Variants in KALRN observed in about 807,000 individuals in gnomAD.
The protein encoded by KALRN is kalirin RhoGEF kinase.
A neutral mutation model predicts 353.7 loss-of-function variants in KALRN; 70 were observed. That is an observed-to-expected ratio of 0.20 (90% CI 0.16 to 0.24). KALRN has a LOEUF of 0.24. Among genes scored for constraint, KALRN ranks in the 10% least tolerant of loss-of-function variants. The pLI is 1.00. For missense variants in KALRN, 2,791 were observed against 3,756.7 expected (o/e 0.74, Z 6.72); for synonymous variants, 1,391 against 1,434.8 (o/e 0.97, Z 0.69).
intron 5 of KALRN, among the ~76,000 whole-genome samples, chr3:124,272,338 G>A (rs2074254865): frequency 2.0e-5 from 3 of 152,170 alleles, no homozygotes; most frequent in Admixed American, 2.0e-4. Context: ...GAAAATGTGT[G>A]TGTTTCTATT....
intron 3 of KALRN, among the ~76,000 whole-genome samples, chr3:124,238,001 G>T (rs1344349684): frequency 1.3e-5 from 2 of 152,202 alleles, no homozygotes; most frequent in African/African-American, 4.8e-5. Context: ...TAAACAGATA[G>T]TGTTGATAAT....
chr3:124,649,061 A>G (rs1459453388), intron 37 of KALRN, among the ~76,000 whole-genome samples: 1 of 152,104 alleles, frequency 6.6e-6, no homozygotes, highest in African/African-American at 2.4e-5. Context: ...TCTTAGTTCC[A>G]GTTTCTAGTG....
intron 33 of KALRN, among the ~76,000 whole-genome samples, chr3:124,502,314 C>T (rs1379319285): frequency 6.6e-6 from 1 of 152,056 alleles, no homozygotes; most frequent in Non-Finnish European, 1.5e-5. Context: ...GAAGGCTGGT[C>T]CCTTCCAGAG....
chr3:124,579,327 C>T (rs6766077), intron 34 of KALRN, among the ~76,000 whole-genome samples: 34,246 of 152,100 alleles, frequency 0.23, 4,317 homozygotes, highest in East Asian at 0.33. Flanking sequence ...AAAGTGGTCA[C>T]GTAGGTAGGC....
chr3:124,346,016 G>C (rs2082222748), intron 9 of KALRN, among the ~76,000 whole-genome samples: 1 of 152,154 alleles, frequency 6.6e-6, no homozygotes, highest in Non-Finnish European at 1.5e-5. Context: ...ATCTGGAAAG[G>C]CTAGTACATC....
In KALRN at chr3:124,631,767, C is replaced by T. The variant is rs193184971; in HGVS notation, c.5183-653C>T. Among the ~76,000 whole-genome samples the T allele has an allele frequency of 8.8e-3, 1,339 of 152,308 alleles. 16 individuals carry two copies. The highest frequency in any genetic ancestry group is 0.029 in the African/African-American group (1,225 of 41,572). On this transcript the variant is annotated intron_variant, in intron 34 of 59. Transcript: ENST00000682506. ...GGCTCAGAATCTTCCAGTGGGTTTT[C>T]ACTCCAGGTAAAAGCCAGAGGCATA...
intron 2 of KALRN, among the ~76,000 whole-genome samples, chr3:124,229,629 A>G (rs1175953074): frequency 1.3e-5 from 2 of 152,238 alleles, no homozygotes; most frequent in African/African-American, 4.8e-5. Context: ...CGGGAAGAGG[A>G]TAAAGGAAAG....
At chr3:124,322,703 TCC>T (rs1198218015) in intron 6 of KALRN, among the ~76,000 whole-genome samples, 6 of 152,168 alleles carry the variant, frequency 3.9e-5, no homozygotes, top group African/African-American at 1.4e-4. Context: ...GAGTAAGCAC[TCC>T]TATTTATTCA....
intron 37 of KALRN, among the ~76,000 whole-genome samples, chr3:124,649,808 TAGATAGA>T (rs1211447368): frequency 1.3e-5 from 2 of 149,270 alleles, no homozygotes; most frequent in Non-Finnish European, 3.0e-5. Context: ...GATAGATAGA[TAGATAGA>T]TAGATAGATA....
chr3:124,078,985 C>A (rs1362923158), intron 1 of KALRN, among the ~76,000 whole-genome samples: 4 of 152,154 alleles, frequency 2.6e-5, no homozygotes, highest in Non-Finnish European at 5.9e-5. Context: ...AAAAGATAAT[C>A]ATATACTTTC....
At chr3:124,596,877 A>G (rs2076317045) in intron 34 of KALRN, among the ~76,000 whole-genome samples, 1 of 152,152 alleles carries the variant, frequency 6.6e-6, no homozygotes, top group Non-Finnish European at 1.5e-5. Context: ...GCGAAACCCC[A>G]TCTCTACCAA....
chr3:124,343,604 AT>A (rs1167036734), intron 9 of KALRN, among the ~76,000 whole-genome samples: 1 of 152,174 alleles, frequency 6.6e-6, no homozygotes, highest in Non-Finnish European at 1.5e-5. Context: ...TTCAGGGTCC[AT>A]TTCCTACTTA....
At chr3:124,578,374 A>G (rs545541663) in intron 34 of KALRN, among the ~76,000 whole-genome samples, 66 of 152,368 alleles carry the variant, frequency 4.3e-4, no homozygotes, top group African/African-American at 1.5e-3. Flanking sequence ...AGAAATCTAC[A>G]CAGGGAAGAT....
At chr3:124,496,252 C>G in intron 32 of KALRN, 59 bp from the exon 33 acceptor site, 3 of 1,337,946 alleles carry the variant, frequency 2.2e-6, no homozygotes, top group Non-Finnish European at 3.2e-6. Flanking sequence ...CTTGTGTGCT[C>G]TAAACCCACA....
intron 1 of KALRN, among the ~76,000 whole-genome samples, chr3:124,114,201 A>G (rs1356648497): frequency 2.0e-5 from 3 of 152,160 alleles, no homozygotes; most frequent in Non-Finnish European, 2.9e-5. Context: ...GCATTTGGAT[A>G]TGTTCTGGCC....
At chr3:124,069,533 T>C (rs1450776215) in intron 1 of KALRN, among the ~76,000 whole-genome samples, 1 of 152,180 alleles carries the variant, frequency 6.6e-6, no homozygotes, top group East Asian at 1.9e-4. Flanking sequence ...CAGGGCATGC[T>C]TAAGAAAGGC....
intron 1 of KALRN, among the ~76,000 whole-genome samples, chr3:124,118,967 C>T (rs1193346601): frequency 6.6e-6 from 1 of 152,214 alleles, no homozygotes; most frequent in Non-Finnish European, 1.5e-5. Flanking sequence ...GAACTCAGAG[C>T]TCTTTGTTCC....
chr3:124,069,768 C>T (rs1048550745), intron 1 of KALRN, among the ~76,000 whole-genome samples: 1 of 152,060 alleles, frequency 6.6e-6, no homozygotes, highest in Non-Finnish European at 1.5e-5. Context: ...GGAGTAGATA[C>T]CACATGCAGC....
chr3:124,569,084 G>A (rs965232297), intron 34 of KALRN, among the ~76,000 whole-genome samples: 6 of 152,156 alleles, frequency 3.9e-5, no homozygotes, highest in Non-Finnish European at 8.8e-5. Flanking sequence ...TCCTTTTCCT[G>A]TGCACTTTCT....
Sources: gnomAD v4.1 joint callset for allele counts (sites outside exome capture counted in the v4.1 genomes callset) on GRCh38, gnomAD v4.1.1 for gene constraint, MANE v1.5 for transcripts, NCBI Gene and HGNC (gene_info 2026-07-23, HGNC 2026-07-21) for gene names.